VIT: variants seen among roughly 807,000 people sequenced by gnomAD.
VIT encodes vitrin.
VIT carries 99 observed loss-of-function variants against 78.0 expected under a neutral mutation model. The observed-to-expected ratio is 1.27, with a 90% CI of 1.08 to 1.50. The LOEUF (loss-of-function observed/expected upper bound fraction) is 1.50. Among genes scored for constraint, VIT ranks in the 40% most tolerant of loss-of-function variants. The probability of loss-of-function intolerance (pLI) is 0.00; values close to 1 mark genes in which losing one functional copy is unlikely to be tolerated. For synonymous variants in VIT, 374 were observed against 334.3 expected (o/e 1.12, Z -1.29); for missense variants, 1,126 against 875.3 (o/e 1.29, Z -3.61).
chr2:36,709,072 C>T (rs963908774), intron 1 of VIT, among the ~76,000 whole-genome samples: 2 of 152,172 alleles, frequency 1.3e-5, no homozygotes, highest in African/African-American at 4.8e-5. Flanking sequence ...ATCGCTTGAA[C>T]CCGAGAGGTG....
At chr2:36,776,618 T>G (rs1239237128) in intron 9 of VIT, among the ~76,000 whole-genome samples, 1 of 151,098 alleles carries the variant, frequency 6.6e-6, no homozygotes, top group African/African-American at 2.4e-5. Context: ...TTGGCCCACA[T>G]AGTGAGACCC....
intron 6 of VIT, among the ~76,000 whole-genome samples, chr2:36,765,992 C>T (rs964424974): frequency 6.6e-6 from 1 of 152,248 alleles, no homozygotes; most frequent in Admixed American, 6.5e-5. Flanking sequence ...GTGGGTTGTT[C>T]CTTCCCAGGA....
intron 6 of VIT, among the ~76,000 whole-genome samples, chr2:36,764,735 C>A (rs1011679643): frequency 6.6e-6 from 1 of 152,128 alleles, no homozygotes; most frequent in Admixed American, 6.5e-5. Context: ...TGCTGTGATT[C>A]CTGCAAAAGA....
intron 3 of VIT, among the ~76,000 whole-genome samples, chr2:36,737,123 A>G (rs889535279): frequency 2.6e-5 from 4 of 152,234 alleles, no homozygotes; most frequent in East Asian, 3.8e-4. Flanking sequence ...TAGGACTCCT[A>G]TTGGTCTTAT....
At chr2:36,721,937 AACTC>A (rs1365055795) in intron 2 of VIT, among the ~76,000 whole-genome samples, 1 of 152,168 alleles carries the variant, frequency 6.6e-6, no homozygotes, top group Non-Finnish European at 1.5e-5. Context: ...AAAATCTGTT[AACTC>A]ACTAAGGGTG....
intron 1 of VIT, among the ~76,000 whole-genome samples, chr2:36,698,770 C>A (rs1267702115): frequency 6.6e-6 from 1 of 151,846 alleles, no homozygotes; most frequent in Non-Finnish European, 1.5e-5. Context: ...ATGGTGAAAC[C>A]CCATCTCTAC....
chr2:36,762,563 G>GT (rs1228017406), intron 6 of VIT, among the ~76,000 whole-genome samples: 1 of 152,144 alleles, frequency 6.6e-6, no homozygotes, highest in Non-Finnish European at 1.5e-5. Context: ...TTACTTAGGA[G>GT]TAAGTTTTCA....
intron 11 of VIT, among the ~76,000 whole-genome samples, chr2:36,786,552 G>T (rs1471116990): frequency 6.6e-6 from 1 of 152,196 alleles, no homozygotes; most frequent in African/African-American, 2.4e-5. Flanking sequence ...AAAAATCTCG[G>T]ATAGCTACGA....
chr2:36,785,156 A>C (rs1475677639), intron 11 of VIT, among the ~76,000 whole-genome samples: 2 of 152,224 alleles, frequency 1.3e-5, no homozygotes, highest in East Asian at 3.8e-4. Flanking sequence ...GTTCCCAAAA[A>C]TACTTTATTC....
chr2:36,752,150 A>C (rs1249079251), intron 4 of VIT, among the ~76,000 whole-genome samples: 1 of 152,226 alleles, frequency 6.6e-6, no homozygotes, highest in Non-Finnish European at 1.5e-5. Flanking sequence ...TAGTTTCTTC[A>C]AACCAAAGGG....
chr2:36,717,326 C>T (rs1263317312), intron 2 of VIT, among the ~76,000 whole-genome samples: 1 of 148,720 alleles, frequency 6.7e-6, no homozygotes, highest in Non-Finnish European at 1.5e-5. Context: ...CACCACCACG[C>T]CTGGCTAATG....
chr2:36,759,924 G>T (rs976869680), intron 6 of VIT, among the ~76,000 whole-genome samples: 4 of 152,040 alleles, frequency 2.6e-5, no homozygotes, highest in African/African-American at 9.7e-5. Context: ...GAAGCACAGA[G>T]AAGTTAAGTA....
chr2:36,773,688 C>T (rs1419067223), intron 7 of VIT, 103 bp from the exon 8 acceptor site: 23 of 1,016,862 alleles, frequency 2.3e-5, no homozygotes, highest in Non-Finnish European at 2.6e-6. Flanking sequence ...CGCACCACTG[C>T]ACTCCAGCTC....
chr2:36,785,028 G>C (rs577516342), intron 11 of VIT, among the ~76,000 whole-genome samples: 1 of 152,172 alleles, frequency 6.6e-6, no homozygotes, highest in African/African-American at 2.4e-5. Flanking sequence ...AACAATTCCA[G>C]ATGTAAGAAA....
intron 3 of VIT, among the ~76,000 whole-genome samples, chr2:36,737,580 C>T (rs913085583): frequency 6.6e-6 from 1 of 152,172 alleles, no homozygotes; most frequent in Non-Finnish European, 1.5e-5. Flanking sequence ...ATGAGTTAAT[C>T]TTAATACCTT....
chr2:36,724,529 G>T (rs1474861080), intron 2 of VIT, among the ~76,000 whole-genome samples: 5 of 152,204 alleles, frequency 3.3e-5, no homozygotes, highest in Non-Finnish European at 7.3e-5. Context: ...GTAGCAAGAG[G>T]GGGATTGCTG....
chr2:36,785,888 C>A (rs74384257), intron 11 of VIT, among the ~76,000 whole-genome samples: 6,699 of 152,326 alleles, frequency 0.044, 200 homozygotes, highest in South Asian at 0.077. Context: ...CTCATCAATT[C>A]TTCTGCTCAA....
chr2:36,814,426 G>T lies in VIT; in HGVS notation c.*65G>T. 1 of 1,572,944 alleles carries T rather than the reference G, an allele frequency of 6.4e-7. No homozygotes were observed. Among genetic ancestry groups the T allele is most frequent in the East Asian group, 2.2e-5 (1 of 44,534 alleles). ...AACTGACGTGTTGGACCACCCCACC[G>T]CTTAATGGGGCACGCACGGTGCATC... is the stretch of plus-strand genomic sequence containing the variant. On this transcript the variant is annotated 3_prime_UTR_variant, in exon 16 of 16. Coordinates refer to ENST00000379242, the MANE Select transcript of VIT (RefSeq NM_053276.4).
intron 12 of VIT, among the ~76,000 whole-genome samples, chr2:36,791,324 G>A (rs1005574388): frequency 1.3e-5 from 2 of 152,308 alleles, no homozygotes; most frequent in African/African-American, 4.8e-5. Flanking sequence ...AGCTTCCATA[G>A]GTCGGCTGAG....
Sources: gnomAD v4.1 joint callset for allele counts (sites outside exome capture counted in the v4.1 genomes callset) on GRCh38, gnomAD v4.1.1 for gene constraint, MANE v1.5 for transcripts, NCBI Gene and HGNC (gene_info 2026-07-23, HGNC 2026-07-21) for gene names.